DTNA: variants seen among roughly 807,000 people sequenced by gnomAD.
The protein encoded by DTNA is dystrophin-related protein 3.
A neutral mutation model predicts 100.7 loss-of-function variants in DTNA; 43 were observed. The observed-to-expected ratio is 0.43, with a 90% CI of 0.33 to 0.55. The LOEUF (loss-of-function observed/expected upper bound fraction) is 0.55, where lower values mean the gene tolerates loss of function less well. DTNA is among the 20% of genes least tolerant of loss of function. The pLI, the probability that DTNA is intolerant of heterozygous loss-of-function variation, is 0.04. For synonymous variants in DTNA, 349 were observed against 347.9 expected, an observed-to-expected ratio of 1.00 and a Z score of -0.04; for missense variants, 798 against 953.9, an observed-to-expected ratio of 0.84 and a Z score of 2.15.
intron 11 of DTNA, among the ~76,000 whole-genome samples, chr18:34,834,324 T>G (rs1190659874): frequency 6.6e-6 from 1 of 151,468 alleles, no homozygotes; most frequent in East Asian, 1.9e-4. Context: ...GGTGAAACCC[T>G]GTCTCTATTA....
intron 1 of DTNA, among the ~76,000 whole-genome samples, chr18:34,674,690 G>T (rs1160468092): frequency 3.3e-5 from 5 of 152,216 alleles, no homozygotes; most frequent in African/African-American, 1.2e-4. Flanking sequence ...TGAGCTTTGT[G>T]TTTGCTAACT....
chr18:34,857,283 G>C (rs1603263008), intron 15 of DTNA, among the ~76,000 whole-genome samples: 1 of 152,126 alleles, frequency 6.6e-6, no homozygotes, highest in South Asian at 2.1e-4. Context: ...TGATTCTGGG[G>C]GCTTTGCGAA....
intron 1 of DTNA, among the ~76,000 whole-genome samples, chr18:34,721,639 C>A (rs1459682120): frequency 2.0e-5 from 3 of 152,194 alleles, no homozygotes; most frequent in Non-Finnish European, 4.4e-5. Flanking sequence ...ACAACTTATA[C>A]TTAGGCAAAA....
chr18:34,792,492 G>T (rs9958444), intron 3 of DTNA, among the ~76,000 whole-genome samples: 3,859 of 152,218 alleles, frequency 0.025, 168 homozygotes, highest in African/African-American at 0.087. Context: ...TGCTTATTAG[G>T]TATATAGCCA....
chr18:34,861,601 A>G (rs2096628907), intron 16 of DTNA, among the ~76,000 whole-genome samples: 1 of 151,664 alleles, frequency 6.6e-6, no homozygotes, highest in Admixed American at 6.6e-5. Flanking sequence ...GAATACATGT[A>G]GTGCTAGGAA....
intron 1 of DTNA, among the ~76,000 whole-genome samples, chr18:34,675,519 C>T (rs1400716433): frequency 6.6e-6 from 1 of 151,818 alleles, no homozygotes; most frequent in Non-Finnish European, 1.5e-5. Flanking sequence ...GGTGCAAGTT[C>T]ACAAGGGTAA....
chr18:34,594,696 T>C (rs963520408), intron 1 of DTNA, among the ~76,000 whole-genome samples: 1 of 152,200 alleles, frequency 6.6e-6, no homozygotes, highest in African/African-American at 2.4e-5. Flanking sequence ...GGGCATTATA[T>C]TGATAAAGTC....
At chr18:34,644,191 A>T (rs2148418813) in intron 1 of DTNA, among the ~76,000 whole-genome samples, 1 of 152,254 alleles carries the variant, frequency 6.6e-6, no homozygotes, top group South Asian at 2.1e-4. Context: ...TGGAATTCTT[A>T]GTAAGTAGTG....
At chr18:34,883,767 C>A (rs1490063450) in intron 21 of DTNA, among the ~76,000 whole-genome samples, 2 of 152,068 alleles carry the variant, frequency 1.3e-5, no homozygotes, top group Non-Finnish European at 2.9e-5. Flanking sequence ...AAACGGAAGC[C>A]CACCAATTCC....
intron 11 of DTNA, among the ~76,000 whole-genome samples, chr18:34,830,416 A>G (rs2095977892): frequency 6.6e-6 from 1 of 152,152 alleles, no homozygotes; most frequent in South Asian, 2.1e-4. Flanking sequence ...GGCATTATTC[A>G]CCTAGGGCCC....
intron 1 of DTNA, among the ~76,000 whole-genome samples, chr18:34,674,204 G>A (rs1157912720): frequency 6.6e-6 from 1 of 152,212 alleles, no homozygotes; most frequent in Non-Finnish European, 1.5e-5. Context: ...TAATGGGAGA[G>A]GCCTGCCTGA....
At chr18:34,604,479 T>C (rs2052591843) in intron 1 of DTNA, among the ~76,000 whole-genome samples, 1 of 152,168 alleles carries the variant, frequency 6.6e-6, no homozygotes, top group Non-Finnish European at 1.5e-5. Context: ...TAAAATTTTA[T>C]AGCAAGAGGA....
At chr18:34,767,700 A>ACCAG (rs3079203) in intron 3 of DTNA, 140,645 of 151,840 alleles carry the variant, frequency 0.93, 66,102 homozygotes, top group East Asian at 1. Context: ...TTATAAGGCC[A>ACCAG]CCTCACTCCT....
intron 1 of DTNA, among the ~76,000 whole-genome samples, chr18:34,546,592 C>T (rs1276195957): frequency 6.6e-6 from 1 of 152,072 alleles, no homozygotes; most frequent in Non-Finnish European, 1.5e-5. Flanking sequence ...ATAATCAATG[C>T]ATCCAACATT....
chr18:34,572,496 T>TA (rs1209450680), intron 1 of DTNA, among the ~76,000 whole-genome samples: 3 of 151,944 alleles, frequency 2.0e-5, no homozygotes, highest in African/African-American at 7.3e-5. Flanking sequence ...TTTTGCAAAT[T>TA]AAAAAAATAC....
At chr18:34,627,583 C>A (rs2057498726) in intron 1 of DTNA, among the ~76,000 whole-genome samples, 1 of 152,168 alleles carries the variant, frequency 6.6e-6, no homozygotes, top group African/African-American at 2.4e-5. Context: ...TGAAAAGTCC[C>A]TTTCAATATC....
chr18:34,738,129 G>A (rs1009458098), intron 1 of DTNA, among the ~76,000 whole-genome samples: 13 of 152,172 alleles, frequency 8.5e-5, no homozygotes, highest in Admixed American at 7.2e-4. Context: ...AAGGCCCTGA[G>A]GCACATATGA....
chr18:34,772,720 A>AT (rs1471297409), intron 3 of DTNA, among the ~76,000 whole-genome samples: 1 of 152,194 alleles, frequency 6.6e-6, no homozygotes, highest in African/African-American at 2.4e-5. Context: ...TTGGTAAAAA[A>AT]TTACCATAAA....
chr18:34,725,100 A>G (rs1312826138), intron 1 of DTNA, among the ~76,000 whole-genome samples: 1 of 152,214 alleles, frequency 6.6e-6, no homozygotes, highest in Non-Finnish European at 1.5e-5. Context: ...TTAACTCAAG[A>G]TGGATTAAAG....
Sources: allele counts gnomAD v4.1 joint callset (sites outside exome capture counted in the v4.1 genomes callset), GRCh38; gene constraint gnomAD v4.1.1; transcripts MANE v1.5; gene names NCBI Gene and HGNC (gene_info 2026-07-23, HGNC 2026-07-21).